RAB7B: variants seen among roughly 807,000 people sequenced by gnomAD.
The protein encoded by RAB7B is ras-related protein Rab-7b.
At chr1:205,980,041 C>G (rs1340939580) in intron 5 of RAB7B, among the ~76,000 whole-genome samples, 2 of 152,126 alleles carry the variant, frequency 1.3e-5, no homozygotes, top group Non-Finnish European at 2.9e-5. Flanking sequence ...GATGGTGGTG[C>G]CCCCAAATAC....
chr1:205,998,461 G>C (rs1558146273), intron 1 of RAB7B, among the ~76,000 whole-genome samples: 1 of 152,310 alleles, frequency 6.6e-6, no homozygotes, highest in South Asian at 2.1e-4. Flanking sequence ...AGGAATCTAG[G>C]GCACTGGGCT....
intron 1 of RAB7B, among the ~76,000 whole-genome samples, chr1:205,999,543 T>C (rs1660857978): frequency 6.6e-6 from 1 of 152,186 alleles, no homozygotes; most frequent in African/African-American, 2.4e-5. Context: ...TAGCACAGTC[T>C]TTTTGGAAGG....
At chr1:205,986,124 A>G (rs2102634915) in intron 4 of RAB7B, among the ~76,000 whole-genome samples, 1 of 152,360 alleles carries the variant, frequency 6.6e-6, no homozygotes, top group South Asian at 2.1e-4. Flanking sequence ...GACACCAGCC[A>G]GGAATGGCAG....
At chr1:206,002,070 C>A (rs914953764) in intron 1 of RAB7B, among the ~76,000 whole-genome samples, 2 of 152,152 alleles carry the variant, frequency 1.3e-5, no homozygotes, top group Non-Finnish European at 2.9e-5. Flanking sequence ...ACTTTCAGCA[C>A]CTCCCCTCCT....
intron 1 of RAB7B, among the ~76,000 whole-genome samples, chr1:206,000,294 C>G (rs1020589933): frequency 3.3e-4 from 50 of 152,280 alleles, no homozygotes; most frequent in African/African-American, 1.2e-3. Context: ...GTTACACAAG[C>G]CTAAGTTGTT....
At position 205,977,637 on chromosome 1, in the gene RAB7B, T is replaced by A. The variant is rs2102628739; in HGVS notation, c.*1214A>T. ...CAAGGGAGCTGGGTCCCCTTTGCTT[T>A]GTCTTTGGGACAGCAGCTTTGAGTA... On this transcript the variant is annotated 3_prime_UTR_variant, in exon 6 of 6. Coordinates refer to ENST00000617070, the MANE Select transcript of RAB7B (RefSeq NM_001164522.3). The A allele has an allele frequency of 6.6e-6, 1 of 152,342 alleles. No individual in the cohort carries two copies. Among genetic ancestry groups the A allele is most frequent in the South Asian group, 2.1e-4 (1 of 4,824 alleles). 9.4% of individuals were successfully genotyped at this position (152,342 alleles called of 1,614,324 possible).
Position 205,981,652 on chromosome 1 carries a change from ATATTAAC to A in RAB7B, c.523-2731_523-2725del, listed in dbSNP as rs1660493977. Among the ~76,000 whole-genome samples, 23 of 146,822 alleles carry A rather than the reference ATATTAAC, an allele frequency of 1.6e-4. 1 individual carries two copies. Among genetic ancestry groups the A allele is most frequent in the African/African-American group, 5.1e-4 (20 of 39,228 alleles). ...AACACCTACTGTGGTCTCTTTCAGA[ATATTAAC>A]TGAACACCTACTCTGGTTTCTTTCA... On this transcript the variant is annotated intron_variant, in intron 5 of 5. Transcript: ENST00000617070.
intron 1 of RAB7B, among the ~76,000 whole-genome samples, chr1:205,997,693 G>A (rs1660826915): frequency 6.6e-6 from 1 of 152,212 alleles, no homozygotes. Context: ...AATCAGCCAA[G>A]AGAGAAATGG....
Position 205,985,634 on chromosome 1 carries a change from C to G in RAB7B, c.428G>C (p.Arg143Thr). The change falls in exon 5 of 6, where the codon AGA (arginine) becomes ACA (threonine). Residue 143 changes from arginine to threonine, a missense_variant. Transcript: ENST00000617070. The part of the protein sequence containing the change: ...VPQEVAQGWC[R>T]EKDIPYFEVS... ...TTCAAAGTAAGGAATATCTTTCTCTCTACACCAGCCTTGAGCTACTTCCTG... is the reference window on the plus strand; with the variant it reads ...TTCAAAGTAAGGAATATCTTTCTCTGTACACCAGCCTTGAGCTACTTCCTG... 1 of 399,714 alleles carries G rather than the reference C, an allele frequency of 2.5e-6. No individual in the cohort carries two copies. Among genetic ancestry groups the G allele is most frequent in the Non-Finnish European group, 4.4e-6 (1 of 226,686 alleles). 24.8% of individuals were successfully genotyped at this position (399,714 alleles called of 1,614,324 possible).
At chr1:205,989,568 G>A (rs1273561832) in intron 4 of RAB7B, among the ~76,000 whole-genome samples, 2 of 151,866 alleles carry the variant, frequency 1.3e-5, no homozygotes, top group African/African-American at 4.8e-5. Context: ...TCCTCTCAGG[G>A]CCTCTGTAAA....
At chr1:205,988,039 T>C (rs1660644576) in intron 4 of RAB7B, among the ~76,000 whole-genome samples, 6 of 151,984 alleles carry the variant, frequency 3.9e-5, no homozygotes, top group Admixed American at 3.3e-4. Context: ...TGTACCTGGC[T>C]CATTGTAACC....
intron 5 of RAB7B, among the ~76,000 whole-genome samples, chr1:205,981,909 A>C (rs898066927): frequency 2.9e-5 from 4 of 137,554 alleles, no homozygotes; most frequent in Admixed American, 1.4e-4. Context: ...GTTAATTGAA[A>C]ACCTACTGTG....
chr1:205,989,654 C>T (rs1428848287), intron 4 of RAB7B, among the ~76,000 whole-genome samples: 1 of 152,112 alleles, frequency 6.6e-6, no homozygotes, highest in African/African-American at 2.4e-5. Context: ...CTGCCCTGTT[C>T]CCCAGCCTCC....
rs894808242 is a variant in RAB7B at position 205,990,218 on chromosome 1, G to A, written c.396+2262C>T. Among the ~76,000 whole-genome samples the A allele has an allele frequency of 1.1e-4, 17 of 152,292 alleles. No homozygotes were observed. The South Asian group carries it at 2.5e-3, about 22-fold the overall frequency. On this transcript the variant is annotated intron_variant, in intron 4 of 5. Transcript: ENST00000617070. ...AAATCCCACAGCGTGGATATAAAGC[G>A]CTTGAAAATGAGGATTAGGAGGGAT...
intron 1 of RAB7B, among the ~76,000 whole-genome samples, chr1:206,002,049 G>T (rs1252698585): frequency 6.6e-6 from 1 of 152,056 alleles, no homozygotes; most frequent in Non-Finnish European, 1.5e-5. Flanking sequence ...TATCTTTCCA[G>T]GCTCTTGTCC....
chr1:205,999,594 G>T (rs1242379712), intron 1 of RAB7B, among the ~76,000 whole-genome samples: 1 of 152,104 alleles, frequency 6.6e-6, no homozygotes, highest in Non-Finnish European at 1.5e-5. Flanking sequence ...CACAGCCTAG[G>T]TTCTCATTCT....
intron 1 of RAB7B, among the ~76,000 whole-genome samples, chr1:205,996,735 T>G (rs1345928294): frequency 2.0e-5 from 3 of 152,186 alleles, no homozygotes; most frequent in Non-Finnish European, 4.4e-5. Context: ...AGAGGTTTAA[T>G]TGGTTCCGCA....
At chr1:205,990,542 G>A (rs1660703615) in intron 4 of RAB7B, among the ~76,000 whole-genome samples, 1 of 152,176 alleles carries the variant, frequency 6.6e-6, no homozygotes, top group East Asian at 1.9e-4. Flanking sequence ...CAGAGAGAGA[G>A]AGAGAGAGCA....
intron 4 of RAB7B, among the ~76,000 whole-genome samples, chr1:205,987,058 T>G (rs1327814840): frequency 6.6e-6 from 1 of 152,176 alleles, no homozygotes; most frequent in African/African-American, 2.4e-5. Context: ...CTCTGTTTGG[T>G]TTGGAATGAT....
Sources: gnomAD v4.1 joint callset for allele counts (sites outside exome capture counted in the v4.1 genomes callset) on GRCh38, gnomAD v4.1.1 for gene constraint, MANE v1.5 for transcripts, NCBI Gene and HGNC (gene_info 2026-07-23, HGNC 2026-07-21) for gene names.